Variants in WWOX observed in about 807,000 individuals in gnomAD.
WWOX encodes the protein WW domain containing oxidoreductase.
Under a neutral mutation model 46.2 loss-of-function variants are expected in WWOX, and 69 were observed. The observed-to-expected ratio is 1.49, with a 90% CI of 1.23 to 1.82. The LOEUF is 1.82. Among genes scored for constraint, WWOX ranks in the 40% most tolerant of loss-of-function variants. WWOX has a pLI of 0.00. For missense variants in WWOX, 919 were observed against 542.6 expected, an observed-to-expected ratio of 1.69 and a Z score of -6.89; for synonymous variants, 359 against 202.6, an observed-to-expected ratio of 1.77 and a Z score of -6.56.
chr16:79,015,037 G>A (rs1025549819), intron 8 of WWOX, among the ~76,000 whole-genome samples: 4 of 152,206 alleles, frequency 2.6e-5, no homozygotes, highest in Admixed American at 1.3e-4. Context: ...CGTGTGACAT[G>A]AAAGGGGCCT....
intron 8 of WWOX, among the ~76,000 whole-genome samples, chr16:78,479,214 A>G (rs907248889): frequency 6.6e-6 from 1 of 152,214 alleles, no homozygotes; most frequent in Non-Finnish European, 1.5e-5. Flanking sequence ...AACTTCATCC[A>G]ATACGTATTG....
rs372962004 is a variant in WWOX at position 78,583,985 on chromosome 16, G to C, written c.1056+151233G>C. ...TCCCAAACACTTCAAGAAGGAAAAT[G>C]CTGTTGCAGAAATGTTGTCTAAGCT... On this transcript the variant is annotated intron_variant, in intron 8 of 8. Coordinates refer to ENST00000566780, the MANE Select transcript of WWOX (RefSeq NM_016373.4). Among the ~76,000 whole-genome samples the C allele has an allele frequency of 2.0e-5, 3 of 152,330 alleles. No homozygotes were observed. The East Asian group carries it at 5.8e-4, about 29-fold the overall frequency.
At chr16:78,327,673 T>C (rs748668150) in intron 5 of WWOX, among the ~76,000 whole-genome samples, 1 of 152,116 alleles carries the variant, frequency 6.6e-6, no homozygotes, top group Non-Finnish European at 1.5e-5. Flanking sequence ...AAGAGTGATC[T>C]TTGGTTTTCT....
intron 8 of WWOX, among the ~76,000 whole-genome samples, chr16:78,727,741 T>C (rs908958595): frequency 3.3e-5 from 5 of 152,096 alleles, no homozygotes; most frequent in Admixed American, 6.6e-5. Context: ...GACTTGGGGA[T>C]TGGACTCCAT....
chr16:78,640,370 C>G (rs1298554139), intron 8 of WWOX, among the ~76,000 whole-genome samples: 1 of 151,616 alleles, frequency 6.6e-6, no homozygotes, highest in Non-Finnish European at 1.5e-5. Flanking sequence ...AAGTCGGCCG[C>G]TCTGAGCTAG....
intron 8 of WWOX, among the ~76,000 whole-genome samples, chr16:79,030,606 C>G (rs559729813): frequency 6.6e-6 from 1 of 152,284 alleles, no homozygotes; most frequent in Admixed American, 6.5e-5. Context: ...TTTGGCTTCT[C>G]CAAAGATTAG....
intron 8 of WWOX, among the ~76,000 whole-genome samples, chr16:78,928,801 T>G (rs918180066): frequency 2.0e-5 from 3 of 152,120 alleles, no homozygotes; most frequent in Admixed American, 1.3e-4. Flanking sequence ...AGCCTCAGTT[T>G]TAGAAGATAA....
At chr16:78,620,266 G>A (rs979637054) in intron 8 of WWOX, among the ~76,000 whole-genome samples, 5 of 152,192 alleles carry the variant, frequency 3.3e-5, no homozygotes, top group Non-Finnish European at 5.9e-5. Context: ...TGTTTGTTAA[G>A]GTACAGAAGA....
intron 8 of WWOX, among the ~76,000 whole-genome samples, chr16:78,940,817 A>G (rs535238384): frequency 7.2e-5 from 11 of 152,038 alleles, no homozygotes; most frequent in Admixed American, 6.6e-4. Context: ...GAGTCTTTCA[A>G]GAGAAGAGGT....
chr16:78,704,350 C>T (rs1227414267), intron 8 of WWOX, among the ~76,000 whole-genome samples: 1 of 152,120 alleles, frequency 6.6e-6, no homozygotes, highest in Non-Finnish European at 1.5e-5. Context: ...ACCTCCCTTC[C>T]CTTCTCATTC....
chr16:79,098,261 T>A (rs377653431), intron 8 of WWOX, among the ~76,000 whole-genome samples: 1 of 152,156 alleles, frequency 6.6e-6, no homozygotes, highest in South Asian at 2.1e-4. Context: ...ACAGTCACAT[T>A]TGGGGACTCC....
chr16:78,390,571 T>A (rs754140245), intron 6 of WWOX, among the ~76,000 whole-genome samples: 6 of 152,068 alleles, frequency 3.9e-5, no homozygotes, highest in Non-Finnish European at 8.8e-5. Flanking sequence ...ACTGTGGTGG[T>A]GAAAATATGC....
intron 8 of WWOX, among the ~76,000 whole-genome samples, chr16:78,887,574 C>T (rs1030967010): frequency 2.0e-5 from 3 of 151,272 alleles, no homozygotes; most frequent in East Asian, 1.9e-4. Flanking sequence ...TCATTTTCTT[C>T]GGGAGTTGAA....
At chr16:78,365,864 C>G (rs61600581) in intron 5 of WWOX, among the ~76,000 whole-genome samples, 1 of 152,030 alleles carries the variant, frequency 6.6e-6, no homozygotes, top group African/African-American at 2.4e-5. Context: ...GTGTATAGTT[C>G]TCCTTTCCTT....
chr16:78,318,226 C>T (rs1162137286), intron 5 of WWOX, among the ~76,000 whole-genome samples: 1 of 150,960 alleles, frequency 6.6e-6, no homozygotes, highest in Non-Finnish European at 1.5e-5. Flanking sequence ...TGTGGAAACC[C>T]AGAAGCAGCC....
chr16:78,540,732 G>T (rs933789923), intron 8 of WWOX, among the ~76,000 whole-genome samples: 3 of 151,994 alleles, frequency 2.0e-5, no homozygotes, highest in Non-Finnish European at 4.4e-5. Flanking sequence ...TGTTGCCCCG[G>T]CTGCAGTGCA....
chr16:78,798,271 A>T lies in WWOX; in HGVS notation c.1056+365519A>T, dbSNP rs112254515. 3.3e-3 allele frequency among the ~76,000 whole-genome samples: 509 copies of T among 152,290 alleles called. 1 individual carries two copies. The highest frequency in any genetic ancestry group is 5.6e-3 in the Non-Finnish European group (384 of 68,028). On this transcript the variant is annotated intron_variant, in intron 8 of 8. Transcript: ENST00000566780. ...TTGGGCTTCCAGAATCTGGGTCAAA[A>T]AGAGTAGAAGTCAGGCTCAGATTGA...
intron 8 of WWOX, among the ~76,000 whole-genome samples, chr16:78,982,625 A>C (rs62036035): frequency 6.6e-6 from 1 of 152,168 alleles, no homozygotes; most frequent in Non-Finnish European, 1.5e-5. Context: ...AGGAGCAGGC[A>C]GAGAAGGAGG....
At chr16:79,140,108 A>G (rs2050061250) in intron 8 of WWOX, among the ~76,000 whole-genome samples, 2 of 152,174 alleles carry the variant, frequency 1.3e-5, no homozygotes, top group African/African-American at 4.8e-5. Flanking sequence ...GAGAACATTA[A>G]GCTCCTTACC....
Sources: gnomAD v4.1 joint callset for allele counts (sites outside exome capture counted in the v4.1 genomes callset) on GRCh38, gnomAD v4.1.1 for gene constraint, MANE v1.5 for transcripts, NCBI Gene and HGNC (gene_info 2026-07-23, HGNC 2026-07-21) for gene names.